Variants in BMP6 observed in about 807,000 individuals in gnomAD.
BMP6 encodes bone morphogenetic protein 6, also known as VG-1-R.
BMP6 carries 17 observed loss-of-function variants against 54.1 expected under a neutral mutation model. The ratio of observed to expected loss-of-function variants is 0.31; its 90% CI spans 0.22 to 0.47. The LOEUF (loss-of-function observed/expected upper bound fraction) is 0.47. BMP6 is among the 20% of genes least tolerant of loss of function. The pLI is 1.00. For missense variants in BMP6, 720 were observed against 690.4 expected (o/e 1.04, Z -0.48); for synonymous variants, 328 against 291.2 (o/e 1.13, Z -1.28).
intron 4 of BMP6, among the ~76,000 whole-genome samples, chr6:7,863,758 C>G (rs1759373613): frequency 6.6e-6 from 1 of 152,266 alleles, no homozygotes; most frequent in South Asian, 2.1e-4. Flanking sequence ...GTGGCTCATG[C>G]CTATAATCCT....
chr6:7,770,454 G>A (rs575373443), intron 1 of BMP6, among the ~76,000 whole-genome samples: 1 of 152,186 alleles, frequency 6.6e-6, no homozygotes, highest in South Asian at 2.1e-4. Flanking sequence ...GCATAGTCTC[G>A]GGACTGGGAG....
rs183680101 is a variant in BMP6 at position 7,752,856 on chromosome 6, C to T, written c.664+25237C>T. Reference sequence around the variant, plus strand: ...GAAGCATTGCTCATGTGTTTTCCCCCTTTTCTCTTGGCTCTTCTGTAGGGC... The same window carrying T: ...GAAGCATTGCTCATGTGTTTTCCCCTTTTTCTCTTGGCTCTTCTGTAGGGC... On this transcript the variant is annotated intron_variant, in intron 1 of 6. Coordinates refer to ENST00000283147, the MANE Select transcript of BMP6 (RefSeq NM_001718.6). Among the ~76,000 whole-genome samples the T allele has an allele frequency of 2.5e-4, 38 of 152,234 alleles. No individual in the cohort carries two copies. In the East Asian group the frequency reaches 6.4e-3, roughly 26 times the overall value.
At position 7,880,486 on chromosome 6, in the gene BMP6, T is replaced by C; in HGVS notation, c.*143T>C. 4.4e-6 allele frequency: 5 copies of C among 1,135,770 alleles called. No homozygotes were observed. The South Asian group carries it at 6.0e-5, about 14-fold the overall frequency. The allele number at this position is 1,135,770 out of a possible 1,614,324, so 70.4% of individuals were successfully genotyped here. A position where few individuals can be genotyped will look rare whatever the true frequency, so the allele number is the denominator to read the frequency against. ...GCCAGTGCCTTATTACCCAGGAAGA[T>C]TTTAAAGGACCTCATTAATAATTTG... On this transcript the variant is annotated 3_prime_UTR_variant, in exon 7 of 7. Transcript: ENST00000283147.
chr6:7,749,579 A>G (rs909866399), intron 1 of BMP6, among the ~76,000 whole-genome samples: 5 of 152,292 alleles, frequency 3.3e-5, no homozygotes, highest in Middle Eastern at 3.4e-3. Context: ...TAGGTCCCAC[A>G]CCTATCTCTA....
chr6:7,804,371 G>T (rs1458496794), intron 1 of BMP6, among the ~76,000 whole-genome samples: 1 of 151,880 alleles, frequency 6.6e-6, no homozygotes, highest in African/African-American at 2.4e-5. Context: ...ATGCAAACTG[G>T]CTTTCACACT....
chr6:7,818,212 A>C (rs1758558724), intron 1 of BMP6, among the ~76,000 whole-genome samples: 1 of 152,194 alleles, frequency 6.6e-6, no homozygotes, highest in Admixed American at 6.5e-5. Flanking sequence ...CTGCCCTACA[A>C]GTATGAAAAA....
intron 1 of BMP6, among the ~76,000 whole-genome samples, chr6:7,771,108 TTTTA>T (rs1419156376): frequency 6.6e-6 from 1 of 152,226 alleles, no homozygotes; most frequent in Admixed American, 6.5e-5. Flanking sequence ...CTGCTCTGAT[TTTTA>T]TTTTTTACCT....
chr6:7,755,735 T>C (rs775640828), intron 1 of BMP6, among the ~76,000 whole-genome samples: 1 of 152,138 alleles, frequency 6.6e-6, no homozygotes, highest in Non-Finnish European at 1.5e-5. Flanking sequence ...ACTTGTCTAC[T>C]GGTGATAAAT....
At position 7,862,433 on chromosome 6, in the gene BMP6, G is replaced by A. The variant is rs577694907; in HGVS notation, c.1139G>A (p.Arg380His). 1.2e-5 allele frequency: 19 copies of A among 1,614,162 alleles called. No homozygotes were observed. The African/African-American group carries it at 1.6e-4, about 14-fold the overall frequency. ...ACCACCAGGTCAGCCTCCAGCCGGC[G>A]CCGACAACAGAGTCGTAATCGCTCT... ...VRTTRSASSR[R>H]RQQSRNRSTQ... Residue 380 changes from arginine (R) to histidine (H), a missense_variant, in exon 4 of 7, where the codon CGC becomes CAC. This residue lies in a region of BMP6 where 650 missense variants were observed against 556.3 expected (regional missense o/e 1.17). Transcript: ENST00000283147.
rs114143565 is a variant in BMP6, at chr6:7,849,988, T to A, written c.857+4656T>A. ...AGCAATATCCCAGGTTACTCCTCTG[T>A]TTAGAAATAGGCAAGGATGTTTTTT... is the stretch of plus-strand genomic sequence containing the variant. On this transcript the variant is annotated intron_variant, in intron 2 of 6. Transcript: ENST00000283147. Among the ~76,000 whole-genome samples the A allele has an allele frequency of 4.6e-3, 704 of 152,366 alleles. 7 individuals are homozygous for A. The highest frequency in any genetic ancestry group is 0.016 in the African/African-American group (664 of 41,592).
In BMP6 at chr6:7,727,092, A is replaced by T; in HGVS notation, c.137A>T (p.Asp46Val). 1 of 1,328,900 alleles carries T rather than the reference A, an allele frequency of 7.5e-7. No homozygotes were observed. The highest frequency in any genetic ancestry group is 3.1e-5 in the East Asian group (1 of 32,176). 82.3% of individuals were successfully genotyped at this position (1,328,900 alleles called of 1,614,324 possible). Residue 46 changes from aspartate (D) to valine (V), a missense_variant, in exon 1 of 7, where the codon GAC becomes GTC. Asp to Val is a radical substitution (Grantham distance 152). This residue lies in a region of BMP6 where 650 missense variants were observed against 556.3 expected (regional missense o/e 1.17). Coordinates refer to ENST00000283147, the MANE Select transcript of BMP6 (RefSeq NM_001718.6). ...GCCGCCGGGGGGCAGCTGCTGGGGG[A>T]CGGCGGGAGCCCCGGCCGCACGGAG... ...AAAAGGQLLG[D>V]GGSPGRTEQP...
rs761992924 is a variant in BMP6, at chr6:7,727,335, G to A, written c.380G>A (p.Gly127Glu). 6.2e-7 allele frequency: 1 copy of A among 1,609,658 alleles called. No individual in the cohort carries two copies. The highest frequency in any genetic ancestry group is 8.5e-7 in the Non-Finnish European group (1 of 1,178,748). The change falls in exon 1 of 7, where the codon GGG (glycine) becomes GAG (glutamate). Residue 127 changes from glycine (G) to glutamate (E), a missense_variant. Gly to Glu is a moderately conservative substitution (Grantham distance 98). Coordinates refer to ENST00000283147, the MANE Select transcript of BMP6 (RefSeq NM_001718.6). ...CTGCCTCGCGGAGAGCCCCCTCCCG[G>A]GCGACTGAAGTCCGCGCCCCTCTTC... Reference protein sequence around the residue: ...QQLPRGEPPPGRLKSAPLFML... With the variant: ...QQLPRGEPPPERLKSAPLFML...
chr6:7,812,499 C>A (rs1422337504), intron 1 of BMP6, among the ~76,000 whole-genome samples: 2 of 152,168 alleles, frequency 1.3e-5, no homozygotes, highest in African/African-American at 4.8e-5. Flanking sequence ...CATGTAGATA[C>A]ATTTCTTACA....
intron 1 of BMP6, among the ~76,000 whole-genome samples, chr6:7,761,284 T>G (rs1757609525): frequency 6.6e-6 from 1 of 152,236 alleles, no homozygotes; most frequent in African/African-American, 2.4e-5. Context: ...TACAACCTGT[T>G]TGACAATCAA....
chr6:7,798,261 C>T (rs747834046), intron 1 of BMP6, among the ~76,000 whole-genome samples: 1 of 152,224 alleles, frequency 6.6e-6, no homozygotes, highest in Non-Finnish European at 1.5e-5. Context: ...CAGCCAAGTT[C>T]TTGCCATGAG....
At chr6:7,761,801 C>T (rs949954119) in intron 1 of BMP6, among the ~76,000 whole-genome samples, 3 of 152,206 alleles carry the variant, frequency 2.0e-5, no homozygotes, top group Non-Finnish European at 2.9e-5. Context: ...ACTTTCTGAT[C>T]GCTCAGTTGT....
chr6:7,810,350 T>C (rs1758418215), intron 1 of BMP6, among the ~76,000 whole-genome samples: 1 of 152,216 alleles, frequency 6.6e-6, no homozygotes, highest in African/African-American at 2.4e-5. Context: ...GTTCAATATC[T>C]TGAATTTGCA....
At chr6:7,842,379 C>A (rs915929188) in intron 1 of BMP6, among the ~76,000 whole-genome samples, 1 of 152,174 alleles carries the variant, frequency 6.6e-6, no homozygotes, top group Non-Finnish European at 1.5e-5. Context: ...TTCTGTCTCT[C>A]TCTTCTCCCA....
chr6:7,745,015 T>C (rs949029951), intron 1 of BMP6, among the ~76,000 whole-genome samples: 1 of 152,258 alleles, frequency 6.6e-6, no homozygotes, highest in African/African-American at 2.4e-5. Context: ...GGTGTTATTT[T>C]TTAAAAATCA....
Sources: gnomAD v4.1 joint callset for allele counts (sites outside exome capture counted in the v4.1 genomes callset) on GRCh38, gnomAD v4.1.1 for gene constraint, gnomAD v4.1.1 regional missense constraint, MANE v1.5 for transcripts, NCBI Gene and HGNC (gene_info 2026-07-23, HGNC 2026-07-21) for gene names.